Variants in ANKFN1 observed in about 807,000 individuals in gnomAD.
ANKFN1 encodes the protein ankyrin repeat and fibronectin type III domain containing 1, also known as ankyrin repeat and fibronectin type-III domain-containing protein 1.
Under a neutral mutation model 108.7 loss-of-function variants are expected in ANKFN1, and 74 were observed. That is an observed-to-expected ratio of 0.68 (90% CI 0.56 to 0.83). ANKFN1 has a LOEUF of 0.83. Ranked by LOEUF, ANKFN1 falls within the 40% of genes least tolerant of loss-of-function variation. ANKFN1 has a pLI of 0.00. For missense variants in ANKFN1, 1,505 were observed against 1,382.3 expected, an observed-to-expected ratio of 1.09 and a Z score of -1.41; for synonymous variants, 547 against 516.2, an observed-to-expected ratio of 1.06 and a Z score of -0.81.
At chr17:56,248,258 G>C (rs2043160438) in intron 3 of ANKFN1, among the ~76,000 whole-genome samples, 1 of 152,162 alleles carries the variant, frequency 6.6e-6, no homozygotes, top group African/African-American at 2.4e-5. Flanking sequence ...CTCACCTCAT[G>C]ATACAGAGTA....
chr17:56,393,103 T>C (rs1378534707), intron 8 of ANKFN1, among the ~76,000 whole-genome samples: 1 of 152,130 alleles, frequency 6.6e-6, no homozygotes, highest in Non-Finnish European at 1.5e-5. Context: ...ACTCTTTCTC[T>C]TAAGTGTAAG....
chr17:56,477,702 AAGTGACCAGCTTGAT>A, intron 16 of ANKFN1, 48 bp downstream of exon 16: 1 of 1,585,012 alleles, frequency 6.3e-7, no homozygotes, highest in Non-Finnish European at 8.6e-7. Context: ...ACAGTGGCTC[AAGTGACCAGCTTGAT>A]GTGCCAGAAG....
intron 3 of ANKFN1, among the ~76,000 whole-genome samples, chr17:56,236,326 G>T (rs1321661539): frequency 1.3e-5 from 2 of 152,020 alleles, no homozygotes; most frequent in East Asian, 3.9e-4. Flanking sequence ...TAAAGTACTG[G>T]GATTACAGGA....
chr17:56,509,983 A>G lies in ANKFN1; in HGVS notation c.2645-490A>G, dbSNP rs148552325. On this transcript the variant is annotated intron_variant, in intron 20 of 20. Transcript: ENST00000682825. ...CAGAATATGGAGGTGGACGGCAGCT[A>G]GGATTTGAAACCAGGTTTACCAACT... Among the ~76,000 whole-genome samples, 25 of 152,358 alleles carry G rather than the reference A, an allele frequency of 1.6e-4. No individual in the cohort carries two copies. The East Asian group carries it at 4.8e-3, about 29-fold the overall frequency.
intron 4 of ANKFN1, among the ~76,000 whole-genome samples, chr17:56,139,374 C>T (rs1006775834): frequency 6.6e-6 from 1 of 152,158 alleles, no homozygotes; most frequent in Non-Finnish European, 1.5e-5. Flanking sequence ...AACAAAGTAT[C>T]TCAAGTGGAT....
intron 1 of ANKFN1, among the ~76,000 whole-genome samples, chr17:56,194,955 A>G (rs944269942): frequency 2.6e-5 from 4 of 152,220 alleles, no homozygotes; most frequent in Non-Finnish European, 5.9e-5. Flanking sequence ...CCTTCCTATC[A>G]TTCATCTCTG....
At chr17:56,423,527 C>T (rs1312487243) in intron 8 of ANKFN1, among the ~76,000 whole-genome samples, 5 of 152,200 alleles carry the variant, frequency 3.3e-5, no homozygotes, top group Non-Finnish European at 7.3e-5. Flanking sequence ...AGGCCTTCCG[C>T]ATATCAACCT....
chr17:56,407,780 G>A (rs920079967), intron 8 of ANKFN1, among the ~76,000 whole-genome samples: 1 of 152,136 alleles, frequency 6.6e-6, no homozygotes, highest in Non-Finnish European at 1.5e-5. Context: ...TCAGAAATAA[G>A]TTAAACTAGA....
In ANKFN1 at chr17:56,489,725, AT is replaced by A. The variant is rs879652951; in HGVS notation, c.2261-2450del. On this transcript the variant is annotated intron_variant, in intron 18 of 20. Transcript: ENST00000682825. The stretch of plus-strand genomic sequence containing the variant: ...TATTTTAGAAAGGGGAAAAAAAACA[AT>A]TTTTTTTTTTTACCTCTTGGTTCAG... Among the ~76,000 whole-genome samples the A allele has an allele frequency of 3.8e-3, 559 of 147,444 alleles. 1 individual carries two copies. The highest frequency in any genetic ancestry group is 0.012 in the African/African-American group (468 of 40,402).
intron 6 of ANKFN1, 81 bp downstream of exon 6, chr17:56,354,127 T>C: frequency 7.3e-7 from 1 of 1,368,232 alleles, no homozygotes; most frequent in Non-Finnish European, 1.0e-6. Flanking sequence ...TTGCTGACTT[T>C]CAGAGCAGGA....
At chr17:56,230,319 TAACCCTTCGGTTTCA>T (rs1916638047) in intron 3 of ANKFN1, among the ~76,000 whole-genome samples, 1 of 152,130 alleles carries the variant, frequency 6.6e-6, no homozygotes, top group South Asian at 2.1e-4. Flanking sequence ...GTATGTTACT[TAACCCTTCGGTTTCA>T]AAGTATCTTT....
chr17:56,492,846 T>C (rs749908561), intron 19 of ANKFN1, among the ~76,000 whole-genome samples: 1 of 152,154 alleles, frequency 6.6e-6, no homozygotes, highest in Non-Finnish European at 1.5e-5. Flanking sequence ...GCTGTTAAGA[T>C]CAGAAAATGT....
chr17:56,294,216 GCT>G (rs748410071), intron 3 of ANKFN1, among the ~76,000 whole-genome samples: 2 of 152,190 alleles, frequency 1.3e-5, no homozygotes, highest in Non-Finnish European at 2.9e-5. Context: ...TTCTGGTTTA[GCT>G]CTGTTTAGGG....
At chr17:56,388,375 AC>A (rs777781821) in intron 8 of ANKFN1, among the ~76,000 whole-genome samples, 17 of 151,866 alleles carry the variant, frequency 1.1e-4, no homozygotes, top group Non-Finnish European at 2.4e-4. Context: ...CTAGTGATCC[AC>A]CCACCTTGGC....
intron 1 of ANKFN1, among the ~76,000 whole-genome samples, chr17:56,162,504 A>T (rs1249745486): frequency 6.6e-6 from 1 of 152,148 alleles, no homozygotes. Context: ...CTCTTGTTAT[A>T]AGGACACAGT....
At chr17:56,150,104 C>T (rs1428777746), upstream of ANKFN1, among the ~76,000 whole-genome samples, 1 of 152,184 alleles carries the variant, frequency 6.6e-6, no homozygotes, top group Non-Finnish European at 1.5e-5. Context: ...GAATTATTGA[C>T]AACAGCTACA....
chr17:56,165,703 C>T (rs1001846748), intron 1 of ANKFN1, among the ~76,000 whole-genome samples: 2 of 152,012 alleles, frequency 1.3e-5, no homozygotes, highest in African/African-American at 2.4e-5. Context: ...TCAACTTTAG[C>T]CTGGAATACA....
intron 4 of ANKFN1, among the ~76,000 whole-genome samples, chr17:56,065,053 G>A (rs1762320679): frequency 6.6e-6 from 1 of 152,184 alleles, no homozygotes; most frequent in Non-Finnish European, 1.5e-5. Flanking sequence ...TGCCTAGTCA[G>A]TTCTGAGGAG....
intron 15 of ANKFN1, chr17:56,472,659 T>C (rs1014784447): frequency 1.3e-5 from 2 of 152,078 alleles, no homozygotes; most frequent in East Asian, 3.9e-4. Flanking sequence ...AGGAATTCAG[T>C]CAAACGAAGA....
Sources: allele counts gnomAD v4.1 joint callset (sites outside exome capture counted in the v4.1 genomes callset), GRCh38; gene constraint gnomAD v4.1.1; transcripts MANE v1.5; gene names NCBI Gene and HGNC (gene_info 2026-07-23, HGNC 2026-07-21).